The following SHQ1 variants were observed in gnomAD, a reference collection of about 807,000 sequenced individuals.
SHQ1 encodes the protein SHQ1, H/ACA ribonucleoprotein assembly factor.
Under a neutral mutation model 53.8 loss-of-function variants are expected in SHQ1, and 49 were observed. That is an observed-to-expected ratio of 0.91 (90% CI 0.72 to 1.16). SHQ1 has a LOEUF of 1.16. SHQ1 is among the 50% of genes most tolerant of loss of function. The probability of loss-of-function intolerance (pLI) is 0.00; values close to 1 mark genes in which losing one functional copy is unlikely to be tolerated. For synonymous variants in SHQ1, 243 were observed against 251.0 expected (o/e 0.97, Z 0.30); for missense variants, 738 against 683.1 (o/e 1.08, Z -0.90).
chr3:72,819,799 C>T (rs562625544), intron 6 of SHQ1, among the ~76,000 whole-genome samples: 6 of 152,056 alleles, frequency 3.9e-5, no homozygotes, highest in African/African-American at 7.2e-5. Context: ...CATTGGAGGA[C>T]GCATCTGAAG....
intron 4 of SHQ1, among the ~76,000 whole-genome samples, chr3:72,833,714 T>C (rs1707909773): frequency 6.6e-6 from 1 of 152,188 alleles, no homozygotes; most frequent in Non-Finnish European, 1.5e-5. Flanking sequence ...CCAAGCCAAA[T>C]CCTACAGAAT....
chr3:72,846,485 A>G, intron 1 of SHQ1: 1 of 585,098 alleles, frequency 1.7e-6, no homozygotes, highest in Non-Finnish European at 3.0e-6. Context: ...TTTAGTACAG[A>G]TGGGGTTTAA....
intron 10 of SHQ1, among the ~76,000 whole-genome samples, chr3:72,765,040 T>C (rs1705690287): frequency 6.6e-6 from 1 of 152,202 alleles, no homozygotes; most frequent in Admixed American, 6.5e-5. Context: ...CTCACCAATC[T>C]TGGCTTTAAG....
intron 10 of SHQ1, among the ~76,000 whole-genome samples, chr3:72,762,793 G>A (rs1053409285): frequency 6.6e-6 from 1 of 152,038 alleles, no homozygotes; most frequent in Non-Finnish European, 1.5e-5. Context: ...TCCTGCCTCA[G>A]CCTCCCGAAT....
chr3:72,769,343 AACTC>A (rs1224459081), intron 10 of SHQ1, among the ~76,000 whole-genome samples: 1 of 152,162 alleles, frequency 6.6e-6, no homozygotes, highest in African/African-American at 2.4e-5. Context: ...AGTCTTTAAA[AACTC>A]ACTGAGAGCC....
In SHQ1 at chr3:72,810,806, G is replaced by C. The variant is rs115640199; in HGVS notation, c.1060+1865C>G. Among the ~76,000 whole-genome samples the C allele has an allele frequency of 3.0e-3, 456 of 152,178 alleles. 2 individuals are homozygous for C. The highest frequency in any genetic ancestry group is 0.011 in the African/African-American group (437 of 41,508). On this transcript the variant is annotated intron_variant, in intron 9 of 10. Coordinates refer to ENST00000325599, the MANE Select transcript of SHQ1 (RefSeq NM_018130.3). Reference sequence around the variant, plus strand: ...TCTACAGCTTCTGGCACAAATTCTAGACAACCCAGCCCTCAGTTTTAGCAC... The same window carrying C: ...TCTACAGCTTCTGGCACAAATTCTACACAACCCAGCCCTCAGTTTTAGCAC...
chr3:72,825,358 G>T (rs1028481349), intron 5 of SHQ1, among the ~76,000 whole-genome samples: 1 of 124,592 alleles, frequency 8.0e-6, no homozygotes, highest in Non-Finnish European at 1.6e-5. Flanking sequence ...GGCTAAAAGG[G>T]GCTACACACA....
intron 10 of SHQ1, among the ~76,000 whole-genome samples, chr3:72,763,065 A>ATT (rs1705647270): frequency 7.5e-6 from 1 of 133,424 alleles, no homozygotes; most frequent in South Asian, 2.3e-4. Context: ...ACACACACAG[A>ATT]GAGAGAGAGA....
chr3:72,791,171 AATC>A (rs1706423015), intron 10 of SHQ1, among the ~76,000 whole-genome samples: 1 of 152,196 alleles, frequency 6.6e-6, no homozygotes. Context: ...ATGTTTACAA[AATC>A]ATCATTCCTA....
At chr3:72,732,594 C>T in the SHQ1 span, among the ~76,000 whole-genome samples, 5 of 151,212 alleles carry the variant, frequency 3.3e-5, no homozygotes. Flanking sequence ...TGACTCTGGA[C>T]TCCAAGTGAC....
the SHQ1 span, among the ~76,000 whole-genome samples, chr3:72,741,160 C>T: frequency 1.3e-5 from 2 of 152,172 alleles, no homozygotes; most frequent in South Asian, 2.1e-4. Flanking sequence ...ATTAGTAGAG[C>T]TTTCCAGGCC....
intron 10 of SHQ1, among the ~76,000 whole-genome samples, chr3:72,791,905 T>C (rs1278770748): frequency 6.6e-6 from 1 of 152,226 alleles, no homozygotes; most frequent in African/African-American, 2.4e-5. Context: ...AATTTTGTCA[T>C]GTCTAATAAG....
intron 10 of SHQ1, among the ~76,000 whole-genome samples, chr3:72,773,771 G>A (rs1445718498): frequency 6.6e-6 from 1 of 152,150 alleles, no homozygotes; most frequent in Non-Finnish European, 1.5e-5. Context: ...ATCAAAGACA[G>A]AAACACATGA....
chr3:72,750,952 G>A (rs954615245), intron 10 of SHQ1, 116 bp from the exon 11 acceptor site: 6 of 761,330 alleles, frequency 7.9e-6, no homozygotes, highest in South Asian at 2.0e-5. Context: ...GGCACACCAG[G>A]ATATATATCA....
At chr3:72,803,320 TG>T (rs2106829326) in intron 9 of SHQ1, among the ~76,000 whole-genome samples, 1 of 152,346 alleles carries the variant, frequency 6.6e-6, no homozygotes, top group South Asian at 2.1e-4. Flanking sequence ...AGTCGAGCCA[TG>T]TATCTCTTCA....
chr3:72,730,999 C>A, the SHQ1 span, among the ~76,000 whole-genome samples: 2 of 140,858 alleles, frequency 1.4e-5, no homozygotes, highest in Non-Finnish European at 3.1e-5. Context: ...GCTTGAGACA[C>A]CTGCTTATTG....
the SHQ1 span, among the ~76,000 whole-genome samples, chr3:72,731,407 TG>T: frequency 6.6e-6 from 1 of 151,672 alleles, no homozygotes; most frequent in African/African-American, 2.4e-5. Flanking sequence ...CAGTTTGGGC[TG>T]GGCGCGGTGG....
At chr3:72,841,463 G>A (rs547273732) in intron 3 of SHQ1, among the ~76,000 whole-genome samples, 30 of 152,204 alleles carry the variant, frequency 2.0e-4, no homozygotes, top group African/African-American at 7.0e-4. Flanking sequence ...CAAAAATAAT[G>A]TTAAGTGAAA....
At chr3:72,768,050 A>G (rs556334503) in intron 10 of SHQ1, among the ~76,000 whole-genome samples, 1 of 151,956 alleles carries the variant, frequency 6.6e-6, no homozygotes, top group East Asian at 1.9e-4. Flanking sequence ...GGAGCAGTTT[A>G]CAAAAAAGCA....
Sources: allele counts gnomAD v4.1 joint callset (sites outside exome capture counted in the v4.1 genomes callset), GRCh38; gene constraint gnomAD v4.1.1; transcripts MANE v1.5; gene names NCBI Gene and HGNC (gene_info 2026-07-23, HGNC 2026-07-21).